SKAP2: variants seen among roughly 807,000 people sequenced by gnomAD.
SKAP2 encodes the protein src kinase-associated phosphoprotein 2.
In SKAP2, 28 loss-of-function variants were observed where a neutral mutation model predicts 54.9. That is an observed-to-expected ratio of 0.51 (90% CI 0.38 to 0.70). The LOEUF (loss-of-function observed/expected upper bound fraction) is 0.70, where lower values mean the gene tolerates loss of function less well. SKAP2 is among the 30% of genes least tolerant of loss of function. The pLI is 0.00. For missense variants in SKAP2, 356 were observed against 424.1 expected, an observed-to-expected ratio of 0.84 and a Z score of 1.41; for synonymous variants, 137 against 134.3, an observed-to-expected ratio of 1.02 and a Z score of -0.14.
chr7:26,718,927 C>T (rs62447731), intron 9 of SKAP2, among the ~76,000 whole-genome samples: 8,310 of 152,060 alleles, frequency 0.055, 398 homozygotes, highest in East Asian at 0.28. Context: ...GCCTGTAATC[C>T]CAGCACTTTG....
At chr7:26,727,230 T>C (rs189964040) in intron 6 of SKAP2, among the ~76,000 whole-genome samples, 1 of 152,160 alleles carries the variant, frequency 6.6e-6, no homozygotes, top group African/African-American at 2.4e-5. Context: ...CATGGTCTTA[T>C]TTGGAAGGAA....
chr7:26,799,784 T>C (rs1217800342), intron 4 of SKAP2, among the ~76,000 whole-genome samples: 1 of 152,172 alleles, frequency 6.6e-6, no homozygotes, highest in Non-Finnish European at 1.5e-5. Flanking sequence ...ACATGGATCA[T>C]TCTCAAGAAT....
intron 9 of SKAP2, among the ~76,000 whole-genome samples, chr7:26,719,161 C>G (rs1787525470): frequency 6.6e-6 from 1 of 151,904 alleles, no homozygotes; most frequent in African/African-American, 2.4e-5. Flanking sequence ...GGCAACAGAG[C>G]AAGACCCTAT....
chr7:26,853,485 G>A (rs1418991915), intron 3 of SKAP2, among the ~76,000 whole-genome samples: 1 of 152,094 alleles, frequency 6.6e-6, no homozygotes, highest in Non-Finnish European at 1.5e-5. Flanking sequence ...TTTTCAGTCT[G>A]CTAAGCAGCT....
intron 9 of SKAP2, among the ~76,000 whole-genome samples, chr7:26,703,951 T>G (rs1325957661): frequency 6.6e-6 from 1 of 152,202 alleles, no homozygotes; most frequent in Non-Finnish European, 1.5e-5. Flanking sequence ...TTTCTTCCCT[T>G]TGGGTGTAAA....
intron 4 of SKAP2, among the ~76,000 whole-genome samples, chr7:26,782,783 C>T (rs763114722): frequency 6.6e-6 from 1 of 152,146 alleles, no homozygotes; most frequent in Non-Finnish European, 1.5e-5. Context: ...AAAAGAGGCC[C>T]TAGAGAGCTG....
In SKAP2 at chr7:26,702,753, T is replaced by C. The variant is rs144789275; in HGVS notation, c.797-12391A>G. ...CAAGGAATGAAAGGGATCAAGCACA[T>C]AGTGTTGAATATTTAATATTTATAG... On this transcript the variant is annotated intron_variant, in intron 9 of 12. Coordinates refer to ENST00000345317, the MANE Select transcript of SKAP2 (RefSeq NM_003930.5). Among the ~76,000 whole-genome samples the C allele has an allele frequency of 1.6e-3, 250 of 152,338 alleles. 1 individual carries two copies. The highest frequency in any genetic ancestry group is 5.8e-3 in the African/African-American group (240 of 41,584).
At chr7:26,785,146 G>A (rs1481420002) in intron 4 of SKAP2, among the ~76,000 whole-genome samples, 3 of 151,796 alleles carry the variant, frequency 2.0e-5, no homozygotes, top group Admixed American at 2.0e-4. Flanking sequence ...CCCAAGTTCT[G>A]GAAAAAAGAT....
intron 4 of SKAP2, among the ~76,000 whole-genome samples, chr7:26,754,736 T>C (rs1181949051): frequency 6.6e-6 from 1 of 152,226 alleles, no homozygotes; most frequent in African/African-American, 2.4e-5. Context: ...ACCAGTGCTG[T>C]TCAGCCACAC....
In SKAP2 at chr7:26,690,301, A is replaced by G. The variant is rs757748050; in HGVS notation, c.858T>C (p.Ser286=). ...VEEQRKMSQD[S]VHHTSGDKST... ...AGTCATTACCTGAGGTGTGATGGACACTATCCTGACTCATCTTCCTTTGTT... is the reference window on the plus strand; with the variant it reads ...AGTCATTACCTGAGGTGTGATGGACGCTATCCTGACTCATCTTCCTTTGTT... Residue 286 remains serine, a synonymous_variant, in exon 10 of 13, where the codon AGT becomes AGC. Transcript: ENST00000345317. 2 of 1,610,040 alleles carry G rather than the reference A, an allele frequency of 1.2e-6. No individual in the cohort carries two copies. Among genetic ancestry groups the G allele is most frequent in the Non-Finnish European group, 1.7e-6 (2 of 1,176,482 alleles).
At chr7:26,746,867 T>C in intron 4 of SKAP2, among the ~76,000 whole-genome samples, 1 of 152,124 alleles carries the variant, frequency 6.6e-6, no homozygotes, top group East Asian at 1.9e-4. Flanking sequence ...GTAGAACAAC[T>C]AGTAACTTCT....
rs1235159711 is a variant in SKAP2 at position 26,725,677 on chromosome 7, T to A, written c.659-112A>T. Reference sequence around the variant, plus strand: ...AAAGCAACAACAATATTGTTATATGTTATGTCCTTAACTAAAAACATGTTT... The same window carrying A: ...AAAGCAACAACAATATTGTTATATGATATGTCCTTAACTAAAAACATGTTT... On this transcript the variant is annotated intron_variant, in intron 8 of 12. Coordinates refer to ENST00000345317, the MANE Select transcript of SKAP2 (RefSeq NM_003930.5). 4.6e-6 allele frequency: 5 copies of A among 1,078,486 alleles called. No individual in the cohort carries two copies. The African/African-American group carries it at 6.4e-5, about 14-fold the overall frequency. 66.8% of individuals were successfully genotyped at this position (1,078,486 alleles called of 1,614,324 possible). A position where few individuals can be genotyped will look rare whatever the true frequency, so the allele number is the denominator to read the frequency against.
intron 4 of SKAP2, among the ~76,000 whole-genome samples, chr7:26,793,470 C>T (rs1380517257): frequency 6.6e-6 from 1 of 152,126 alleles, no homozygotes; most frequent in African/African-American, 2.4e-5. Flanking sequence ...TTAAACCACA[C>T]CAAATTCTCT....
intron 6 of SKAP2, among the ~76,000 whole-genome samples, chr7:26,733,858 C>G (rs932929700): frequency 1.3e-5 from 2 of 152,156 alleles, no homozygotes; most frequent in Non-Finnish European, 2.9e-5. Context: ...CTCCCATTTA[C>G]TAGACGGTGC....
intron 4 of SKAP2, among the ~76,000 whole-genome samples, chr7:26,749,500 G>A (rs1782631950): frequency 6.6e-6 from 1 of 151,976 alleles, no homozygotes; most frequent in African/African-American, 2.4e-5. Flanking sequence ...TGTAATTCTA[G>A]CACTTTGGGA....
chr7:26,726,735 G>A, intron 7 of SKAP2, 147 bp downstream of exon 7: 2 of 599,894 alleles, frequency 3.3e-6, no homozygotes, highest in South Asian at 6.9e-5. Flanking sequence ...CCTCTTATAT[G>A]AATGTTCAAT....
At chr7:26,857,154 CTTTT>C (rs34940910) in intron 1 of SKAP2, among the ~76,000 whole-genome samples, 3 of 131,988 alleles carry the variant, frequency 2.3e-5, no homozygotes, top group Admixed American at 7.5e-5. Context: ...TGGGTATGGT[CTTTT>C]TTTTTTTTTT....
At chr7:26,769,039 C>T (rs1188136983) in intron 4 of SKAP2, among the ~76,000 whole-genome samples, 1 of 152,066 alleles carries the variant, frequency 6.6e-6, no homozygotes, top group Admixed American at 6.5e-5. Flanking sequence ...TGGATAATAT[C>T]CTGAAGAGTA....
chr7:26,748,555 G>A (rs2127965418), intron 4 of SKAP2, among the ~76,000 whole-genome samples: 1 of 152,058 alleles, frequency 6.6e-6, no homozygotes, highest in East Asian at 1.9e-4. Context: ...TAACTCCTCA[G>A]CAACTCTTTA....
Sources: allele counts gnomAD v4.1 joint callset (sites outside exome capture counted in the v4.1 genomes callset), GRCh38; gene constraint gnomAD v4.1.1; transcripts MANE v1.5; gene names NCBI Gene and HGNC (gene_info 2026-07-23, HGNC 2026-07-21).